Variants in EHBP1 observed in about 807,000 individuals in gnomAD.
The protein encoded by EHBP1 is EH domain-binding protein 1.
A neutral mutation model predicts 144.0 loss-of-function variants in EHBP1; 55 were observed. The observed-to-expected ratio is 0.38, with a 90% CI of 0.31 to 0.48. EHBP1 has a LOEUF of 0.48. EHBP1 is among the 20% of genes least tolerant of loss of function. The pLI is 0.98. For missense variants in EHBP1, 1,200 were observed against 1,364.2 expected (o/e 0.88, Z 1.90); for synonymous variants, 469 against 472.7 (o/e 0.99, Z 0.10).
chr2:62,761,853 C>T (rs187737026), intron 3 of EHBP1, among the ~76,000 whole-genome samples: 2 of 152,310 alleles, frequency 1.3e-5, no homozygotes, highest in Admixed American at 6.5e-5. Flanking sequence ...TCTCCACTAG[C>T]GCCAACCTGT....
At chr2:63,042,479 A>G (rs1574599306) in intron 21 of EHBP1, among the ~76,000 whole-genome samples, 1 of 152,204 alleles carries the variant, frequency 6.6e-6, no homozygotes, top group African/African-American at 2.4e-5. Flanking sequence ...TTAATGTAGC[A>G]CTGTAATGAC....
intron 19 of EHBP1, among the ~76,000 whole-genome samples, chr2:63,011,355 T>A (rs1423399054): frequency 6.6e-6 from 1 of 151,876 alleles, no homozygotes; most frequent in Non-Finnish European, 1.5e-5. Flanking sequence ...AGCTTCAAGT[T>A]TGGTTTAGCA....
intron 7 of EHBP1, among the ~76,000 whole-genome samples, chr2:62,832,173 T>C (rs970023780): frequency 1.3e-5 from 2 of 152,244 alleles, no homozygotes; most frequent in Non-Finnish European, 2.9e-5. Context: ...TGTTTTACCA[T>C]GTGCTTTGTT....
At chr2:62,966,700 CTATTT>C (rs1275693140) in intron 14 of EHBP1, among the ~76,000 whole-genome samples, 1 of 152,008 alleles carries the variant, frequency 6.6e-6, no homozygotes, top group Non-Finnish European at 1.5e-5. Context: ...TGATTCTTTT[CTATTT>C]TAATAGGAAC....
chr2:62,992,515 T>C (rs140619535), intron 16 of EHBP1, among the ~76,000 whole-genome samples: 4 of 152,306 alleles, frequency 2.6e-5, no homozygotes, highest in Admixed American at 2.6e-4. Flanking sequence ...TCCTTTTAGT[T>C]AAGATTTTGA....
At chr2:62,965,027 A>AGAAATACCAGGT (rs1421178127) in intron 14 of EHBP1, 1 of 152,638 alleles carries the variant, frequency 6.6e-6, no homozygotes, top group Non-Finnish European at 1.5e-5. Flanking sequence ...AAAGAAGTCC[A>AGAAATACCAGGT]GAAATACCAG....
At chr2:62,729,453 T>TATAATAA (rs1422140276) in intron 2 of EHBP1, among the ~76,000 whole-genome samples, 2 of 81,556 alleles carry the variant, frequency 2.5e-5, no homozygotes, top group African/African-American at 9.8e-5. Flanking sequence ...TAATAATAAA[T>TATAATAA]ATATAATATA....
intron 5 of EHBP1, among the ~76,000 whole-genome samples, chr2:62,796,237 C>T (rs2043527633): frequency 6.6e-6 from 1 of 151,988 alleles, no homozygotes; most frequent in African/African-American, 2.4e-5. Context: ...TTGTTTGGGA[C>T]TCTGCCTAGA....
At chr2:62,938,103 T>C (rs2056503565) in intron 10 of EHBP1, among the ~76,000 whole-genome samples, 1 of 152,116 alleles carries the variant, frequency 6.6e-6, no homozygotes, top group African/African-American at 2.4e-5. Flanking sequence ...ATCTAAACAG[T>C]TGGGACAATA....
intron 21 of EHBP1, among the ~76,000 whole-genome samples, chr2:63,040,357 T>C (rs2061607003): frequency 6.6e-6 from 1 of 152,112 alleles, no homozygotes; most frequent in Non-Finnish European, 1.5e-5. Context: ...AGATATTGGT[T>C]CTAACCCCAA....
chr2:63,014,837 G>T (rs1483099290), intron 19 of EHBP1, among the ~76,000 whole-genome samples: 4 of 152,204 alleles, frequency 2.6e-5, no homozygotes, highest in Non-Finnish European at 4.4e-5. Context: ...AATTAGCCGA[G>T]TGTGGTGGCG....
intron 10 of EHBP1, chr2:62,940,025 TGAA>T (rs749747667): frequency 1.2e-4 from 44 of 356,636 alleles, no homozygotes; most frequent in Non-Finnish European, 2.3e-4. Flanking sequence ...TAAAAATCCC[TGAA>T]GAAGTGTGTG....
intron 1 of EHBP1, among the ~76,000 whole-genome samples, chr2:62,688,828 CA>C (rs2033809126): frequency 6.6e-6 from 1 of 152,236 alleles, no homozygotes; most frequent in Admixed American, 6.5e-5. Context: ...AAAATGAGAT[CA>C]TTTTTTTCAT....
chr2:63,020,692 T>A (rs931541739), intron 19 of EHBP1, among the ~76,000 whole-genome samples: 8 of 151,844 alleles, frequency 5.3e-5, no homozygotes, highest in African/African-American at 1.7e-4. Flanking sequence ...TTTTTTTTGT[T>A]TTTTGAGATG....
intron 14 of EHBP1, among the ~76,000 whole-genome samples, chr2:62,974,189 A>G (rs1193478473): frequency 6.6e-6 from 1 of 152,050 alleles, no homozygotes; most frequent in Non-Finnish European, 1.5e-5. Context: ...CCCCTACCAC[A>G]ATATACACTT....
chr2:62,957,689 A>C (rs1170969434), intron 14 of EHBP1, among the ~76,000 whole-genome samples: 1 of 111,320 alleles, frequency 9.0e-6, no homozygotes, highest in Non-Finnish European at 1.6e-5. Context: ...CATGTCACCC[A>C]GGCTGGAGCG....
At chr2:63,028,803 C>G (rs149433132) in intron 19 of EHBP1, among the ~76,000 whole-genome samples, 2 of 152,080 alleles carry the variant, frequency 1.3e-5, no homozygotes, top group African/African-American at 4.8e-5. Flanking sequence ...TAAGCTATTT[C>G]ATCTACACTG....
intron 19 of EHBP1, among the ~76,000 whole-genome samples, chr2:63,030,789 C>CTTTT (rs1226186842): frequency 4.8e-4 from 41 of 85,096 alleles, no homozygotes; most frequent in Non-Finnish European, 6.1e-4. Flanking sequence ...GCACACCCAG[C>CTTTT]TTTTTTTTTT....
intron 1 of EHBP1, among the ~76,000 whole-genome samples, chr2:62,699,359 T>C (rs1297305326): frequency 6.6e-6 from 1 of 152,210 alleles, no homozygotes; most frequent in Non-Finnish European, 1.5e-5. Flanking sequence ...TCCCTGCTGA[T>C]TTTATAGGAG....
Sources: gnomAD v4.1 joint callset for allele counts (sites outside exome capture counted in the v4.1 genomes callset) on GRCh38, gnomAD v4.1.1 for gene constraint, MANE v1.5 for transcripts, NCBI Gene and HGNC (gene_info 2026-07-23, HGNC 2026-07-21) for gene names.